CES1: variants seen among roughly 807,000 people sequenced by gnomAD.
CES1 encodes carboxylesterase 1.
A neutral mutation model predicts 53.0 loss-of-function variants in CES1; 50 were observed. The ratio of observed to expected loss-of-function variants is 0.94; its 90% CI spans 0.75 to 1.19. The LOEUF (loss-of-function observed/expected upper bound fraction) is 1.19. CES1 is among the 50% of genes most tolerant of loss of function. The pLI is 0.00. For missense variants in CES1, 534 were observed against 538.0 expected, an observed-to-expected ratio of 0.99 and a Z score of 0.07; for synonymous variants, 202 against 210.1, an observed-to-expected ratio of 0.96 and a Z score of 0.33.
intron 4 of CES1, 28 bp downstream of exon 4, chr16:55,823,522 G>A: frequency 7.5e-6 from 12 of 1,610,326 alleles, no homozygotes; most frequent in Non-Finnish European, 1.0e-5. Flanking sequence ...GGGGGCCAAA[G>A]TGCAGTGAGG....
At chr16:55,826,647 G>T (rs569633110) in intron 2 of CES1, among the ~76,000 whole-genome samples, 4 of 152,318 alleles carry the variant, frequency 2.6e-5, no homozygotes, top group Admixed American at 2.6e-4. Context: ...AACATCAGGA[G>T]AATTGTGCTC....
chr16:55,815,581 C>A (rs542779547), intron 8 of CES1, among the ~76,000 whole-genome samples: 1 of 152,182 alleles, frequency 6.6e-6, no homozygotes. Flanking sequence ...GCGTCCTCCA[C>A]TCCTCCCCGT....
At chr16:55,818,174 TC>T (rs1567498468) in intron 7 of CES1, among the ~76,000 whole-genome samples, 1 of 152,134 alleles carries the variant, frequency 6.6e-6, no homozygotes, top group African/African-American at 2.4e-5. Flanking sequence ...TTCACACTCT[TC>T]CCCCTCAAAG....
intron 3 of CES1, among the ~76,000 whole-genome samples, chr16:55,824,965 T>C (rs1202034292): frequency 6.6e-6 from 1 of 152,170 alleles, no homozygotes; most frequent in East Asian, 1.9e-4. Flanking sequence ...CCTGCCTGCC[T>C]CCTGGGGAGG....
chr16:55,810,464 G>A, intron 11 of CES1, 53 bp downstream of exon 11: 1 of 1,611,698 alleles, frequency 6.2e-7, no homozygotes, highest in South Asian at 1.1e-5. Context: ...AGGTGGGTCA[G>A]ATACAGAAGC....
intron 5 of CES1, 141 bp downstream of exon 5, chr16:55,821,226 CT>C: frequency 1.8e-6 from 2 of 1,130,716 alleles, no homozygotes; most frequent in East Asian, 2.4e-5. Context: ...TTTCTACCCC[CT>C]GATGCTGGGC....
At chr16:55,821,542 T>G in intron 4 of CES1, 21 bp from the exon 5 acceptor site, 1 of 1,614,032 alleles carries the variant, frequency 6.2e-7, no homozygotes, top group Non-Finnish European at 8.5e-7. Flanking sequence ...GAGAACAGGT[T>G]GAGGGTGGGG....
chr16:55,824,767 T>G (rs1308069399), intron 3 of CES1, among the ~76,000 whole-genome samples: 2 of 152,244 alleles, frequency 1.3e-5, no homozygotes. Flanking sequence ...TGACTGATCA[T>G]ATGTGATGAT....
At chr16:55,815,975 C>A (rs1324585799) in intron 8 of CES1, among the ~76,000 whole-genome samples, 1 of 152,300 alleles carries the variant, frequency 6.6e-6, no homozygotes, top group Non-Finnish European at 1.5e-5. Flanking sequence ...TCCAGCCAGA[C>A]TGGCCCCTTC....
At chr16:55,821,176 C>T (rs1222627278) in intron 5 of CES1, among the ~76,000 whole-genome samples, 192 bp downstream of exon 5, 3 of 152,110 alleles carry the variant, frequency 2.0e-5, no homozygotes, top group Non-Finnish European at 4.4e-5. Flanking sequence ...CTAAGCTGAG[C>T]TCTGAGCTTC....
rs747418147 is a variant in CES1, at chr16:55,810,429, T to A, written c.1318+88A>T. The A allele has an allele frequency of 1.9e-6, 3 of 1,553,252 alleles. No individual in the cohort carries two copies. In the East Asian group the frequency reaches 6.7e-5, roughly 35 times the overall value. The stretch of plus-strand genomic sequence containing the variant: ...CTTTGAGGCCTGACCCTCAGCTGTT[T>A]CCATGTCTGTCTATGCTGGGAGGTA... On this transcript the variant is annotated intron_variant, in intron 11 of 13. Transcript: ENST00000360526.
intron 7 of CES1, among the ~76,000 whole-genome samples, chr16:55,817,744 C>CTCTGTGTGTGTG (rs72491896): frequency 6.6e-6 from 1 of 151,074 alleles, no homozygotes; most frequent in Non-Finnish European, 1.5e-5. Context: ...GTATGTGTTT[C>CTCTGTGTGTGTG]TCTGTGTGTG....
At chr16:55,819,766 A>T in intron 6 of CES1, 127 bp from the exon 7 acceptor site, 1 of 835,738 alleles carries the variant, frequency 1.2e-6, no homozygotes, top group Non-Finnish European at 2.1e-6. Context: ...GATACTGTAG[A>T]CCCGTGGGTG....
chr16:55,817,511 C>T (rs149072396), intron 7 of CES1, among the ~76,000 whole-genome samples: 12 of 152,228 alleles, frequency 7.9e-5, no homozygotes, highest in Non-Finnish European at 2.9e-5. Context: ...TCTCATCCTA[C>T]CCCATGCTTC....
chr16:55,818,068 G>A (rs745581413), intron 7 of CES1, among the ~76,000 whole-genome samples: 1 of 152,220 alleles, frequency 6.6e-6, no homozygotes, highest in Non-Finnish European at 1.5e-5. Context: ...TCAACTCATG[G>A]AAACACAAGC....
intron 3 of CES1, among the ~76,000 whole-genome samples, chr16:55,825,490 C>T (rs2032381399): frequency 6.6e-6 from 1 of 152,192 alleles, no homozygotes; most frequent in African/African-American, 2.4e-5. Context: ...TTTGCCAAGA[C>T]AATTAGGGAG....
At chr16:55,814,794 C>T (rs764817037) in intron 8 of CES1, among the ~76,000 whole-genome samples, 1 of 152,236 alleles carries the variant, frequency 6.6e-6, no homozygotes, top group Non-Finnish European at 1.5e-5. Context: ...GAATGACGAG[C>T]TAGTTCGGAC....
chr16:55,808,126 C>T (rs1291729276), intron 11 of CES1, among the ~76,000 whole-genome samples: 2 of 83,982 alleles, frequency 2.4e-5, no homozygotes, highest in African/African-American at 1.1e-4. Flanking sequence ...CAAGGTCAAA[C>T]AAAACTTGCT....
intron 7 of CES1, among the ~76,000 whole-genome samples, chr16:55,817,639 A>G (rs2031997170): frequency 6.6e-6 from 1 of 151,906 alleles, no homozygotes; most frequent in Non-Finnish European, 1.5e-5. Flanking sequence ...TTGAAGTCCC[A>G]CTAGCCAGGA....
Sources: gnomAD v4.1 joint callset for allele counts (sites outside exome capture counted in the v4.1 genomes callset) on GRCh38, gnomAD v4.1.1 for gene constraint, MANE v1.5 for transcripts, NCBI Gene and HGNC (gene_info 2026-07-23, HGNC 2026-07-21) for gene names.